Variants in JMJD1C observed in about 807,000 individuals in gnomAD.
JMJD1C encodes the protein jumonji domain-containing protein 1C.
Under a neutral mutation model 245.3 loss-of-function variants are expected in JMJD1C, and 31 were observed. The observed-to-expected ratio is 0.13, with a 90% confidence interval of 0.09 to 0.17. The LOEUF is 0.17. Among genes scored for constraint, JMJD1C ranks in the 10% least tolerant of loss-of-function variants. The probability of loss-of-function intolerance (pLI) is 1.00; values close to 1 mark genes in which losing one functional copy is unlikely to be tolerated. For synonymous variants in JMJD1C, 1,057 were observed against 1,017.4 expected, an observed-to-expected ratio of 1.04 and a Z score of -0.74; for missense variants, 2,691 against 3,000.2, an observed-to-expected ratio of 0.90 and a Z score of 2.41.
chr10:63,296,003 G>GTGTGTGTGTGTGTA (rs1285499198), intron 2 of JMJD1C, among the ~76,000 whole-genome samples: 1 of 95,732 alleles, frequency 1.0e-5, no homozygotes, highest in African/African-American at 3.9e-5. Context: ...GTGTGTGTGT[G>GTGTGTGTGTGTGTA]TATATATATA....
rs560842782 is a variant in JMJD1C, at chr10:63,208,771, T to A, written c.2898A>T (p.Pro966=). ...CTGATGTGGATGCAACAGACCGTAA[T>A]GGTTCCATAAAAGCTTTTCTTTCTA... ...EELERKAFME[P]LRSVASTSAK... The change falls in exon 10 of 26, where the codon CCA becomes CCT. Residue 966 remains proline (P), a synonymous_variant. Coordinates refer to ENST00000399262, the MANE Select transcript of JMJD1C (RefSeq NM_032776.3). 6.3e-7 allele frequency: 1 copy of A among 1,593,382 alleles called. No homozygotes were observed. Among genetic ancestry groups the A allele is most frequent in the African/African-American group, 1.4e-5 (1 of 73,770 alleles).
intron 2 of JMJD1C, among the ~76,000 whole-genome samples, chr10:63,283,177 T>C (rs1392933403): frequency 6.6e-6 from 1 of 152,244 alleles, no homozygotes; most frequent in African/African-American, 2.4e-5. Flanking sequence ...GAAAATTTCA[T>C]AGACTCTTCA....
intron 3 of JMJD1C, among the ~76,000 whole-genome samples, chr10:63,261,267 C>T (rs1854706536): frequency 6.6e-6 from 1 of 151,920 alleles, no homozygotes; most frequent in Admixed American, 6.6e-5. Flanking sequence ...CCTGGAATAC[C>T]CAACTAAACG....
At chr10:63,348,072 C>T (rs1488627626) in intron 2 of JMJD1C, among the ~76,000 whole-genome samples, 1 of 151,956 alleles carries the variant, frequency 6.6e-6, no homozygotes, top group Admixed American at 6.6e-5. Flanking sequence ...AAAAATTAGC[C>T]AGGTGTGGTG....
At chr10:63,460,041 TC>T (rs1335268742) in intron 1 of JMJD1C, among the ~76,000 whole-genome samples, 1 of 152,168 alleles carries the variant, frequency 6.6e-6, no homozygotes, top group East Asian at 1.9e-4. Flanking sequence ...ATCCTTGGAA[TC>T]CCTCCGACTG....
chr10:63,341,412 C>T (rs1943367820), intron 2 of JMJD1C, among the ~76,000 whole-genome samples: 1 of 152,210 alleles, frequency 6.6e-6, no homozygotes, highest in Non-Finnish European at 1.5e-5. Flanking sequence ...CCTCTACAGG[C>T]ATTAAGGATG....
At chr10:63,460,777 T>C (rs1180864463) in intron 1 of JMJD1C, among the ~76,000 whole-genome samples, 1 of 152,184 alleles carries the variant, frequency 6.6e-6, no homozygotes, top group Non-Finnish European at 1.5e-5. Context: ...TTCAATTACA[T>C]TGAAATATCT....
Position 63,434,870 on chromosome 10 carries a change from A to ACAGGGC in JMJD1C, c.168+30624_168+30625insGCCCTG, listed in dbSNP as rs1950976606. ...CCTGTTCCCAACAGTTGGAGTGATT[A>ACAGGGC]ACTTCGTAATTTACAGGGCACTGAA... On this transcript the variant is annotated intron_variant, in intron 1 of 25. Coordinates refer to ENST00000399262, the MANE Select transcript of JMJD1C (RefSeq NM_032776.3). 2.0e-5 allele frequency among the ~76,000 whole-genome samples: 3 copies of ACAGGGC among 152,360 alleles called. No homozygotes were observed. In the South Asian group the frequency reaches 6.2e-4, roughly 32 times the overall value.
At chr10:63,303,285 G>A (rs1049547029) in intron 2 of JMJD1C, among the ~76,000 whole-genome samples, 1 of 152,094 alleles carries the variant, frequency 6.6e-6, no homozygotes, top group Admixed American at 6.6e-5. Flanking sequence ...TACTGAAAAA[G>A]ACTCTGCTTG....
rs1848816429 is a variant in JMJD1C at position 63,223,190 on chromosome 10, T to C, written c.448-3207A>G. 5.8e-6 allele frequency: 3 copies of C among 516,654 alleles called. No homozygotes were observed. The East Asian group carries it at 9.5e-5, about 16-fold the overall frequency. The allele number at this position is 516,654 out of a possible 1,614,324, so 32.0% of individuals were successfully genotyped here. A position where few individuals can be genotyped will look rare whatever the true frequency, so the allele number is the denominator to read the frequency against. On this transcript the variant is annotated intron_variant, in intron 3 of 25. Coordinates refer to ENST00000399262, the MANE Select transcript of JMJD1C (RefSeq NM_032776.3). ...CATACATAACCATCCATATACCTTT[T>C]CCATAATATAGGGAATTATAAACTG...
At chr10:63,192,436 T>C (rs1844949131) in intron 16 of JMJD1C, among the ~76,000 whole-genome samples, 1 of 151,966 alleles carries the variant, frequency 6.6e-6, no homozygotes, top group Non-Finnish European at 1.5e-5. Flanking sequence ...GGCATGGTGA[T>C]GCATGCCTTT....
intron 1 of JMJD1C, among the ~76,000 whole-genome samples, chr10:63,434,066 C>CA (rs1283449246): frequency 9.9e-5 from 15 of 152,172 alleles, no homozygotes; most frequent in African/African-American, 3.1e-4. Flanking sequence ...TTTAATGTCC[C>CA]AAAATCTAAA....
intron 1 of JMJD1C, among the ~76,000 whole-genome samples, chr10:63,513,101 C>CT (rs1012134388): frequency 1.3e-5 from 2 of 151,988 alleles, no homozygotes; most frequent in African/African-American, 4.8e-5. Context: ...CCTTTAAAGC[C>CT]TTTTGCATGT....
chr10:63,373,113 A>C (rs981780207), intron 2 of JMJD1C: 1 of 172,426 alleles, frequency 5.8e-6, no homozygotes, highest in East Asian at 1.9e-4. Context: ...ATGTGCTTTC[A>C]CAAGTATTTT....
intron 1 of JMJD1C, among the ~76,000 whole-genome samples, chr10:63,461,009 T>C (rs906754649): frequency 6.6e-6 from 1 of 152,184 alleles, no homozygotes; most frequent in Non-Finnish European, 1.5e-5. Context: ...CAAAAGATCA[T>C]ATAAAACAAC....
chr10:63,518,468 A>C (rs1955096033), intron 1 of JMJD1C, among the ~76,000 whole-genome samples: 1 of 152,276 alleles, frequency 6.6e-6, no homozygotes, highest in African/African-American at 2.4e-5. Context: ...GAAGACTTAA[A>C]GAAGTAACTA....
intron 1 of JMJD1C, among the ~76,000 whole-genome samples, chr10:63,518,298 T>G (rs1955087786): frequency 6.6e-6 from 1 of 152,174 alleles, no homozygotes; most frequent in Non-Finnish European, 1.5e-5. Flanking sequence ...AATGTGCCCC[T>G]TGCATAAAAT....
intron 1 of JMJD1C, among the ~76,000 whole-genome samples, chr10:63,402,022 T>C (rs893391398): frequency 5.9e-5 from 9 of 151,794 alleles, no homozygotes; most frequent in African/African-American, 2.2e-4. Flanking sequence ...TAATGTCAGC[T>C]ACTCGGGAAG....
intron 2 of JMJD1C, among the ~76,000 whole-genome samples, chr10:63,339,398 A>G (rs752564490): frequency 6.6e-6 from 1 of 152,150 alleles, no homozygotes; most frequent in African/African-American, 2.4e-5. Flanking sequence ...TTGCATATAC[A>G]CGGTATGAGA....
Sources: allele counts gnomAD v4.1 joint callset (sites outside exome capture counted in the v4.1 genomes callset), GRCh38; gene constraint gnomAD v4.1.1; transcripts MANE v1.5; gene names NCBI Gene and HGNC (gene_info 2026-07-23, HGNC 2026-07-21).